Variants in TAF4B observed in about 807,000 individuals in gnomAD.
TAF4B encodes transcription initiation factor TFIID subunit 4B.
Under a neutral mutation model 86.4 loss-of-function variants are expected in TAF4B, and 38 were observed. The observed-to-expected ratio is 0.44, with a 90% CI of 0.34 to 0.58. The LOEUF is 0.58. Ranked by LOEUF, TAF4B falls within the 20% of genes least tolerant of loss-of-function variation. TAF4B has a pLI of 0.02. For missense variants in TAF4B, 988 were observed against 1,027.6 expected (o/e 0.96, Z 0.53); for synonymous variants, 388 against 391.2 (o/e 0.99, Z 0.10).
chr18:26,363,437 T>C (rs1453271249), intron 14 of TAF4B, among the ~76,000 whole-genome samples: 1 of 145,286 alleles, frequency 6.9e-6, no homozygotes. Context: ...TTCCAGCAAC[T>C]TGGAGGGCTT....
intron 12 of TAF4B, among the ~76,000 whole-genome samples, chr18:26,332,337 C>A (rs1215373767): frequency 6.6e-6 from 1 of 152,216 alleles, no homozygotes; most frequent in Non-Finnish European, 1.5e-5. Flanking sequence ...TCTTTCCAGT[C>A]AGTCTCTTCT....
chr18:26,275,019 G>T lies in TAF4B; in HGVS notation c.848G>T (p.Gly283Val), dbSNP rs933170590. Residue 283 changes from glycine (G) to valine (V), a missense_variant, in exon 5 of 15, where the codon GGG becomes GTG. Coordinates refer to ENST00000269142, the MANE Select transcript of TAF4B (RefSeq NM_005640.3). ...ACSGSQSPEMGQNVKKLVEQL... is the reference protein window; with the variant it reads ...ACSGSQSPEMVQNVKKLVEQL... ...AGTGGATCACAGTCCCCAGAAATGG[G>T]GCAAAATGTGAAGAAGCTGGTGGAA... 1.2e-6 allele frequency: 2 copies of T among 1,611,142 alleles called. No individual in the cohort carries two copies. Among genetic ancestry groups the T allele is most frequent in the African/African-American group, 1.3e-5 (1 of 74,818 alleles).
intron 14 of TAF4B, among the ~76,000 whole-genome samples, chr18:26,384,074 C>T (rs896732082): frequency 5.3e-5 from 8 of 152,126 alleles, no homozygotes; most frequent in South Asian, 2.1e-4. Context: ...GGAGCCAAGT[C>T]TTCATTCTAC....
At chr18:26,236,439 A>G (rs1411178693) in intron 1 of TAF4B, among the ~76,000 whole-genome samples, 1 of 152,146 alleles carries the variant, frequency 6.6e-6, no homozygotes, top group African/African-American at 2.4e-5. Context: ...GGATGATGAC[A>G]TGAGCTGGTG....
intron 1 of TAF4B, among the ~76,000 whole-genome samples, chr18:26,236,423 C>T (rs1044006906): frequency 5.3e-5 from 8 of 152,222 alleles, no homozygotes; most frequent in African/African-American, 1.9e-4. Flanking sequence ...ACCTGGGGCT[C>T]AGTGAGGATG....
chr18:26,315,889 G>C (rs1163111816), intron 10 of TAF4B, among the ~76,000 whole-genome samples: 1 of 152,080 alleles, frequency 6.6e-6, no homozygotes, highest in Non-Finnish European at 1.5e-5. Flanking sequence ...TTGTTAGATA[G>C]CTGCAGTGTG....
Position 26,360,660 on chromosome 18 carries a change from T to C in TAF4B, c.2421+2866T>C, listed in dbSNP as rs1258827512. Among the ~76,000 whole-genome samples the C allele has an allele frequency of 2.0e-5, 3 of 152,204 alleles. No homozygotes were observed. In the East Asian group the frequency reaches 5.8e-4, roughly 29 times the overall value. ...GACGTGTGTATTTAGCTTTAGTCCC[T>C]CAGTCCTCTCTCATTCTCCCTTAGG... On this transcript the variant is annotated intron_variant, in intron 14 of 14. Transcript: ENST00000269142.
chr18:26,322,645 A>C (rs989638901), intron 11 of TAF4B, among the ~76,000 whole-genome samples: 1 of 152,056 alleles, frequency 6.6e-6, no homozygotes, highest in Non-Finnish European at 1.5e-5. Flanking sequence ...CTTCTTTGCT[A>C]GTAAAGCGAA....
intron 11 of TAF4B, among the ~76,000 whole-genome samples, chr18:26,325,790 G>C (rs2056998817): frequency 6.6e-6 from 1 of 152,054 alleles, no homozygotes; most frequent in Non-Finnish European, 1.5e-5. Flanking sequence ...TCTATCTTGT[G>C]TTATTTAACT....
Position 26,286,057 on chromosome 18 carries a change from C to T in TAF4B, c.1148C>T (p.Ser383Phe), listed in dbSNP as rs201966876. ...CAGTCTGAAAAGTCAATTATTGTTTCTGGAGCAACAGCACCCAGAACTGTG... is the reference window on the plus strand; with the variant it reads ...CAGTCTGAAAAGTCAATTATTGTTTTTGGAGCAACAGCACCCAGAACTGTG... ...SSQSEKSIIV[S>F]GATAPRTVSV... Residue 383 changes from serine to phenylalanine, a missense_variant, in exon 7 of 15, where the codon TCT (serine) becomes TTT (phenylalanine). By Grantham distance (155) the Ser-to-Phe change is radical. Transcript: ENST00000269142. 2.2e-4 allele frequency: 352 copies of T among 1,614,220 alleles called. No individual in the cohort carries two copies. The African/African-American group carries it at 4.3e-3, about 20-fold the overall frequency.
At chr18:26,329,962 A>G (rs2057038056) in intron 12 of TAF4B, among the ~76,000 whole-genome samples, 1 of 151,910 alleles carries the variant, frequency 6.6e-6, no homozygotes, top group Admixed American at 6.6e-5. Context: ...ATGCCACCAC[A>G]CCTGGATAAA....
intron 11 of TAF4B, 114 bp downstream of exon 11, chr18:26,321,314 A>T (rs1251820604): frequency 5.6e-6 from 6 of 1,063,044 alleles, no homozygotes; most frequent in Non-Finnish European, 8.0e-6. Context: ...TATATTTCAT[A>T]TTAGTGGAAA....
intron 10 of TAF4B, among the ~76,000 whole-genome samples, chr18:26,317,869 A>G (rs1344696682): frequency 6.6e-6 from 1 of 152,194 alleles, no homozygotes; most frequent in Non-Finnish European, 1.5e-5. Flanking sequence ...TAGAGCTTCA[A>G]CATGAATGAC....
chr18:26,232,254 G>A (rs994771151), intron 1 of TAF4B, among the ~76,000 whole-genome samples: 1 of 152,184 alleles, frequency 6.6e-6, no homozygotes, highest in African/African-American at 2.4e-5. Flanking sequence ...CACCCCAGCT[G>A]CTGTTGGGAA....
intron 7 of TAF4B, among the ~76,000 whole-genome samples, chr18:26,290,796 A>AAGGAGCAT (rs1451693582): frequency 6.6e-6 from 1 of 152,182 alleles, no homozygotes; most frequent in Non-Finnish European, 1.5e-5. Context: ...AATACCTAAT[A>AAGGAGCAT]AGGAGCATCA....
chr18:26,280,563 C>T (rs564763321), intron 5 of TAF4B, among the ~76,000 whole-genome samples: 1 of 152,294 alleles, frequency 6.6e-6, no homozygotes, highest in Non-Finnish European at 1.5e-5. Context: ...TGCTCATCAT[C>T]ACTAATCATC....
chr18:26,292,480 T>C, intron 8 of TAF4B, 99 bp downstream of exon 8: 5 of 1,308,710 alleles, frequency 3.8e-6, no homozygotes, highest in Non-Finnish European at 3.1e-6. Flanking sequence ...AGAGGTTTGG[T>C]CTTTTAAAGT....
chr18:26,325,961 G>C (rs1042649540), intron 11 of TAF4B, among the ~76,000 whole-genome samples: 1 of 152,180 alleles, frequency 6.6e-6, no homozygotes, highest in Non-Finnish European at 1.5e-5. Flanking sequence ...AAATCCCTCA[G>C]TCACAGTTAA....
intron 1 of TAF4B, among the ~76,000 whole-genome samples, chr18:26,236,818 G>A (rs2055754994): frequency 6.6e-6 from 1 of 152,126 alleles, no homozygotes; most frequent in Non-Finnish European, 1.5e-5. Flanking sequence ...AATGCCTCCA[G>A]ATTTTGTTCA....
Sources: allele counts gnomAD v4.1 joint callset (sites outside exome capture counted in the v4.1 genomes callset), GRCh38; gene constraint gnomAD v4.1.1; transcripts MANE v1.5; gene names NCBI Gene and HGNC (gene_info 2026-07-23, HGNC 2026-07-21).